PTPRT: variants seen among roughly 807,000 people sequenced by gnomAD.
PTPRT encodes the protein receptor-type tyrosine-protein phosphatase T.
A neutral mutation model predicts 176.8 loss-of-function variants in PTPRT; 56 were observed. The ratio of observed to expected loss-of-function variants is 0.32; its 90% CI spans 0.26 to 0.40. The LOEUF (loss-of-function observed/expected upper bound fraction) is 0.40. Among genes scored for constraint, PTPRT ranks in the 10% least tolerant of loss-of-function variants. The pLI is 1.00. For synonymous variants in PTPRT, 783 were observed against 739.0 expected (o/e 1.06, Z -0.96); for missense variants, 1,540 against 1,908.2 (o/e 0.81, Z 3.60).
chr20:42,530,313 C>T (rs2072358463), intron 7 of PTPRT, among the ~76,000 whole-genome samples: 1 of 152,202 alleles, frequency 6.6e-6, no homozygotes, highest in African/African-American at 2.4e-5. Flanking sequence ...CTAAGTCACC[C>T]AGCGATTCAT....
At chr20:43,138,858 G>C (rs2013916392) in intron 1 of PTPRT, among the ~76,000 whole-genome samples, 1 of 152,188 alleles carries the variant, frequency 6.6e-6, no homozygotes, top group South Asian at 2.1e-4. Context: ...ACCACAACCA[G>C]GTGGATGCAG....
chr20:42,177,135 T>C (rs1396916756), intron 16 of PTPRT, among the ~76,000 whole-genome samples: 1 of 152,222 alleles, frequency 6.6e-6, no homozygotes, highest in Non-Finnish European at 1.5e-5. Context: ...AGGTGTAATG[T>C]ACATATCTAG....
At chr20:42,488,748 T>G (rs995349983) in intron 7 of PTPRT, among the ~76,000 whole-genome samples, 3 of 152,030 alleles carry the variant, frequency 2.0e-5, no homozygotes, top group African/African-American at 7.2e-5. Flanking sequence ...GTGGATCACC[T>G]CAGGTCAGGA....
chr20:42,189,019 G>A (rs1454600647), intron 16 of PTPRT, among the ~76,000 whole-genome samples: 1 of 152,152 alleles, frequency 6.6e-6, no homozygotes, highest in Admixed American at 6.5e-5. Context: ...AGCTGACACT[G>A]GGATCACTCC....
chr20:42,864,957 G>T (rs568914352), intron 2 of PTPRT, among the ~76,000 whole-genome samples: 1 of 152,236 alleles, frequency 6.6e-6, no homozygotes, highest in East Asian at 1.9e-4. Flanking sequence ...TCTACTTGTT[G>T]CCATCACCCA....
At chr20:43,049,000 C>G (rs542670490) in intron 1 of PTPRT, among the ~76,000 whole-genome samples, 4 of 152,170 alleles carry the variant, frequency 2.6e-5, no homozygotes, top group Non-Finnish European at 5.9e-5. Flanking sequence ...TCAGATGAAG[C>G]GGTCAACACA....
rs574375896 is a variant in PTPRT, at chr20:42,437,598, T to G, written c.1560+10622A>C. On this transcript the variant is annotated intron_variant, in intron 9 of 30. Transcript: ENST00000373187. ...ATGTATGTATGTATTGAAACCATAA[T>G]GAGGTAGACCAAGATCTCATACTTG... 6.6e-5 allele frequency among the ~76,000 whole-genome samples: 10 copies of G among 152,284 alleles called. No individual in the cohort carries two copies. The East Asian group carries it at 1.9e-3, about 29-fold the overall frequency.
chr20:43,182,312 A>G (rs2015277213), intron 1 of PTPRT, among the ~76,000 whole-genome samples: 1 of 152,158 alleles, frequency 6.6e-6, no homozygotes, highest in Admixed American at 6.5e-5. Context: ...TGGAACATGT[A>G]GTCGGCAGCA....
intron 16 of PTPRT, among the ~76,000 whole-genome samples, chr20:42,179,497 A>G (rs1462106673): frequency 6.6e-6 from 1 of 152,240 alleles, no homozygotes. Flanking sequence ...CCCTAAGACA[A>G]TGAATTAGCC....
intron 1 of PTPRT, among the ~76,000 whole-genome samples, chr20:42,891,590 T>C (rs2079193458): frequency 6.6e-6 from 1 of 152,202 alleles, no homozygotes; most frequent in Non-Finnish European, 1.5e-5. Flanking sequence ...ATAAAGTTTA[T>C]AGTGTCAATC....
chr20:42,909,639 T>C (rs534257223), intron 1 of PTPRT, among the ~76,000 whole-genome samples: 1 of 152,262 alleles, frequency 6.6e-6, no homozygotes, highest in African/African-American at 2.4e-5. Flanking sequence ...TCCTCATCTG[T>C]AGCCATGCCA....
chr20:42,217,943 T>C (rs965449753), intron 15 of PTPRT, among the ~76,000 whole-genome samples: 1 of 152,234 alleles, frequency 6.6e-6, no homozygotes, highest in African/African-American at 2.4e-5. Flanking sequence ...TTTTGTTTTA[T>C]AGGTGAGGAA....
chr20:42,805,197 C>A (rs2077587835), intron 2 of PTPRT, among the ~76,000 whole-genome samples: 1 of 152,138 alleles, frequency 6.6e-6, no homozygotes, highest in Admixed American at 6.5e-5. Flanking sequence ...GTGACAAGTC[C>A]TCACGGAAAG....
At chr20:42,567,319 G>A (rs1197153852) in intron 7 of PTPRT, among the ~76,000 whole-genome samples, 3 of 150,932 alleles carry the variant, frequency 2.0e-5, no homozygotes, top group South Asian at 4.2e-4. Context: ...GAAAAAAAAC[G>A]ATTTTTAAAA....
chr20:42,396,397 T>C (rs2058849640), intron 9 of PTPRT, among the ~76,000 whole-genome samples: 1 of 152,176 alleles, frequency 6.6e-6, no homozygotes, highest in Non-Finnish European at 1.5e-5. Flanking sequence ...CAGCAGCCTC[T>C]CTACTTCTAT....
At chr20:42,533,096 G>T (rs964481767) in intron 7 of PTPRT, among the ~76,000 whole-genome samples, 3 of 152,088 alleles carry the variant, frequency 2.0e-5, no homozygotes, top group Non-Finnish European at 4.4e-5. Context: ...TCTTCCCTCC[G>T]CCAGGTTGCC....
chr20:42,815,467 A>T (rs1360158683), intron 2 of PTPRT, among the ~76,000 whole-genome samples: 1 of 152,242 alleles, frequency 6.6e-6, no homozygotes. Flanking sequence ...GGAAACCAGT[A>T]GCAAAGTAAG....
chr20:42,572,073 T>G (rs1302770567), intron 7 of PTPRT, among the ~76,000 whole-genome samples: 1 of 152,146 alleles, frequency 6.6e-6, no homozygotes, highest in Non-Finnish European at 1.5e-5. Context: ...GACTCCAGAA[T>G]ATATGATGTC....
At chr20:43,184,455 G>A (rs182564723) in intron 1 of PTPRT, among the ~76,000 whole-genome samples, 3 of 152,292 alleles carry the variant, frequency 2.0e-5, no homozygotes, top group Non-Finnish European at 4.4e-5. Context: ...TTGGGAGGTC[G>A]AGGCGGGAGG....
Sources: gnomAD v4.1 joint callset for allele counts (sites outside exome capture counted in the v4.1 genomes callset) on GRCh38, gnomAD v4.1.1 for gene constraint, MANE v1.5 for transcripts, NCBI Gene and HGNC (gene_info 2026-07-23, HGNC 2026-07-21) for gene names.